DACH1: variants seen among roughly 807,000 people sequenced by gnomAD.
DACH1 encodes dachshund family transcription factor 1.
DACH1 carries 12 observed loss-of-function variants against 54.2 expected under a neutral mutation model. The ratio of observed to expected loss-of-function variants is 0.22; its 90% CI spans 0.14 to 0.36. DACH1 has a LOEUF of 0.36. Ranked by LOEUF, DACH1 falls within the 10% of genes least tolerant of loss-of-function variation. DACH1 has a pLI of 1.00. For synonymous variants in DACH1, 386 were observed against 366.2 expected, an observed-to-expected ratio of 1.05 and a Z score of -0.62; for missense variants, 805 against 929.8, an observed-to-expected ratio of 0.87 and a Z score of 1.75.
intron 10 of DACH1, among the ~76,000 whole-genome samples, chr13:71,442,765 A>G (rs1435416561): frequency 6.6e-6 from 1 of 152,110 alleles, no homozygotes; most frequent in Admixed American, 6.6e-5. Context: ...TAACAATTAT[A>G]GATAATAATG....
In DACH1 at chr13:71,573,100, G is replaced by A. The variant is rs781581156; in HGVS notation, c.1127-88C>T. On this transcript the variant is annotated intron_variant, in intron 3 of 10. Transcript: ENST00000613252. ...AGTCAAAAGTTTTCTAATAATGGTA[G>A]TCAAAGAAACAATATTTTTCCTCTT... 64 of 1,313,028 alleles carry A rather than the reference G, an allele frequency of 4.9e-5. 1 individual carries two copies. The highest frequency in any genetic ancestry group is 8.9e-5 in the South Asian group (6 of 67,098). The allele number at this position is 1,313,028 out of a possible 1,614,324, so 81.3% of individuals were successfully genotyped here.
At chr13:71,742,127 T>C (rs932443962) in intron 1 of DACH1, among the ~76,000 whole-genome samples, 2 of 152,178 alleles carry the variant, frequency 1.3e-5, no homozygotes, top group South Asian at 4.1e-4. Context: ...TGCTTCTTCC[T>C]CTTTTTCTCT....
chr13:71,534,240 T>C (rs1440725870), intron 6 of DACH1, among the ~76,000 whole-genome samples: 1 of 152,074 alleles, frequency 6.6e-6, no homozygotes, highest in Non-Finnish European at 1.5e-5. Context: ...TATTATTGTT[T>C]ACTTTCTTGA....
intron 3 of DACH1, among the ~76,000 whole-genome samples, chr13:71,585,432 G>A (rs745680763): frequency 2.6e-5 from 4 of 152,160 alleles, no homozygotes; most frequent in Non-Finnish European, 5.9e-5. Flanking sequence ...ATTAAATTAA[G>A]TGCTTAAGGT....
chr13:71,682,827 T>C (rs1322225305), intron 1 of DACH1, among the ~76,000 whole-genome samples: 2 of 152,128 alleles, frequency 1.3e-5, no homozygotes, highest in South Asian at 4.1e-4. Flanking sequence ...CTATTGGCAA[T>C]CATTAATGGA....
chr13:71,557,890 A>G (rs1422178312), intron 5 of DACH1, among the ~76,000 whole-genome samples: 5 of 151,790 alleles, frequency 3.3e-5, no homozygotes, highest in Non-Finnish European at 7.4e-5. Context: ...GGACTAAGGA[A>G]CTGTTCCAGA....
At chr13:71,631,820 C>T (rs931429506) in intron 2 of DACH1, among the ~76,000 whole-genome samples, 2 of 152,010 alleles carry the variant, frequency 1.3e-5, no homozygotes, top group Non-Finnish European at 2.9e-5. Flanking sequence ...GAGTTTGAGC[C>T]GGGTGCAGTA....
chr13:71,507,484 C>A (rs182996365), intron 6 of DACH1, among the ~76,000 whole-genome samples: 143 of 152,162 alleles, frequency 9.4e-4, no homozygotes, highest in African/African-American at 3.1e-3. Flanking sequence ...TTATGAAATG[C>A]AATTAACCTT....
At chr13:71,680,356 C>A (rs752044177) in intron 2 of DACH1, among the ~76,000 whole-genome samples, 5 of 152,138 alleles carry the variant, frequency 3.3e-5, no homozygotes, top group Non-Finnish European at 7.4e-5. Flanking sequence ...AATCCAGGAA[C>A]TTTGGAAGGC....
At chr13:71,676,280 T>A (rs1262915777) in intron 2 of DACH1, among the ~76,000 whole-genome samples, 1 of 152,154 alleles carries the variant, frequency 6.6e-6, no homozygotes, top group Non-Finnish European at 1.5e-5. Flanking sequence ...TGCAATGGTG[T>A]GATCTTGGCT....
chr13:71,508,871 T>G (rs1880536989), intron 6 of DACH1, among the ~76,000 whole-genome samples: 1 of 152,166 alleles, frequency 6.6e-6, no homozygotes, highest in African/African-American at 2.4e-5. Flanking sequence ...TTTCCCCAAA[T>G]GCATTTCACT....
chr13:71,834,252 A>AT (rs1283857912), intron 1 of DACH1, among the ~76,000 whole-genome samples: 5 of 151,966 alleles, frequency 3.3e-5, no homozygotes, highest in Non-Finnish European at 7.4e-5. Flanking sequence ...TAAGTACTAT[A>AT]TTTTTCATAA....
At chr13:71,497,749 T>A (rs987456756) in intron 6 of DACH1, among the ~76,000 whole-genome samples, 13 of 25,926 alleles carry the variant, frequency 5.0e-4, no homozygotes, top group African/African-American at 7.4e-4. Flanking sequence ...TAACCCTGAG[T>A]TAGTTTGGTT....
At position 71,509,394 on chromosome 13, in the gene DACH1, TA is replaced by T. The variant is rs1377951429; in HGVS notation, c.1571-20247del. On this transcript the variant is annotated intron_variant, in intron 6 of 10. Coordinates refer to ENST00000613252, the MANE Select transcript of DACH1 (RefSeq NM_080759.6). ...ATATGAAGAATATATAAAATATAAC[TA>T]GTAGAAAAAATTAGGAATGAGACTA... 2.0e-5 allele frequency among the ~76,000 whole-genome samples: 3 copies of T among 152,132 alleles called. No individual in the cohort carries two copies. The East Asian group carries it at 5.8e-4, about 29-fold the overall frequency.
intron 10 of DACH1, among the ~76,000 whole-genome samples, chr13:71,442,679 T>A (rs1874109926): frequency 6.6e-6 from 1 of 152,140 alleles, no homozygotes; most frequent in African/African-American, 2.4e-5. Context: ...CCAAACCCTA[T>A]GTATACTATG....
rs139173605 is a variant in DACH1 at position 71,826,587 on chromosome 13, C to A, written c.848+39335G>T. Among the ~76,000 whole-genome samples the A allele has an allele frequency of 5.5e-3, 830 of 152,018 alleles. 5 individuals carry two copies. The highest frequency in any genetic ancestry group is 0.017 in the African/African-American group (708 of 41,486). On this transcript the variant is annotated intron_variant, in intron 1 of 10. Transcript: ENST00000613252. ...TGTTTTGCCACCACTACCTCTGCTG[C>A]CATAAGGGCATGTAGTTGTGTATAC...
chr13:71,570,065 T>G (rs1885106103), intron 4 of DACH1, among the ~76,000 whole-genome samples: 1 of 152,152 alleles, frequency 6.6e-6, no homozygotes, highest in Non-Finnish European at 1.5e-5. Flanking sequence ...TCCCCAAAAC[T>G]AAACTTAATT....
chr13:71,496,639 A>C (rs955123900), intron 6 of DACH1, among the ~76,000 whole-genome samples: 40 of 152,036 alleles, frequency 2.6e-4, no homozygotes, highest in African/African-American at 9.7e-4. Flanking sequence ...ATGGATATCC[A>C]AAACCCTGAC....
chr13:71,832,605 T>C (rs1308396816), intron 1 of DACH1, among the ~76,000 whole-genome samples: 1 of 151,886 alleles, frequency 6.6e-6, no homozygotes, highest in Non-Finnish European at 1.5e-5. Flanking sequence ...AAAAATCAAG[T>C]AGATCATAGC....
Sources: gnomAD v4.1 joint callset for allele counts (sites outside exome capture counted in the v4.1 genomes callset) on GRCh38, gnomAD v4.1.1 for gene constraint, MANE v1.5 for transcripts, NCBI Gene and HGNC (gene_info 2026-07-23, HGNC 2026-07-21) for gene names.